Variants in MCM3AP observed in about 807,000 individuals in gnomAD.
MCM3AP encodes the protein germinal-center associated nuclear protein.
MCM3AP carries 126 observed loss-of-function variants against 184.1 expected under a neutral mutation model. That is an observed-to-expected ratio of 0.68 (90% CI 0.59 to 0.79). The LOEUF is 0.79. MCM3AP is among the 30% of genes least tolerant of loss of function. The pLI is 0.00. For synonymous variants in MCM3AP, 1,002 were observed against 979.3 expected, an observed-to-expected ratio of 1.02 and a Z score of -0.43; for missense variants, 2,496 against 2,479.2, an observed-to-expected ratio of 1.01 and a Z score of -0.14.
intron 26 of MCM3AP, among the ~76,000 whole-genome samples, chr21:46,237,928 C>T (rs142187355): frequency 0.069 from 7,887 of 114,342 alleles, 2,273 homozygotes; most frequent in Non-Finnish European, 0.1. Flanking sequence ...GGTGAAACCC[C>T]GTCTCTACTA....
chr21:46,256,410 G>T, intron 17 of MCM3AP: 1 of 223,312 alleles, frequency 4.5e-6, no homozygotes, highest in Non-Finnish European at 9.0e-6. Context: ...CAGAGGGATG[G>T]GGCGGGGATG....
At chr21:46,259,125 C>A (rs1260970293) in intron 15 of MCM3AP, 34 bp from the exon 16 acceptor site, 2 of 1,580,166 alleles carry the variant, frequency 1.3e-6, no homozygotes, top group African/African-American at 2.7e-5. Flanking sequence ...GAAGACACTG[C>A]ACTTGGGGCC....
chr21:46,283,239 T>C (rs2081356245), intron 2 of MCM3AP, among the ~76,000 whole-genome samples: 1 of 152,222 alleles, frequency 6.6e-6, no homozygotes, highest in Non-Finnish European at 1.5e-5. Context: ...TCACTTTTTC[T>C]GTATTGTTTG....
chr21:46,272,323 A>T (rs1202392739), intron 8 of MCM3AP, among the ~76,000 whole-genome samples: 1 of 152,100 alleles, frequency 6.6e-6, no homozygotes, highest in East Asian at 1.9e-4. Context: ...CTATTTTCAG[A>T]AATGAACATG....
At chr21:46,280,612 T>C (rs770063616) in intron 2 of MCM3AP, 37 bp from the exon 3 acceptor site, 9 of 1,413,096 alleles carry the variant, frequency 6.4e-6, no homozygotes, top group Admixed American at 5.4e-5. Flanking sequence ...TGTGAGTATA[T>C]CAGGAAACCA....
rs1369306124 is a variant in MCM3AP at position 46,254,859 on chromosome 21, A to G, written c.3933-15T>C. ...GCCGCCTTAACCTGCAAAGGAAAGC[A>G]GAATGACAGTGTCCCCGCAGGAGCT... is the stretch of plus-strand genomic sequence containing the variant. On this transcript the variant is annotated splice_polypyrimidine_tract_variant and intron_variant, in intron 17 of 27. Transcript: ENST00000291688. 3.1e-6 allele frequency: 5 copies of G among 1,607,776 alleles called. No homozygotes were observed. The African/African-American group carries it at 5.3e-5, about 17-fold the overall frequency.
At chr21:46,246,173 A>G (rs751882490) in intron 22 of MCM3AP, 134 bp downstream of exon 22, 129 of 635,216 alleles carry the variant, frequency 2.0e-4, no homozygotes, top group Non-Finnish European at 2.8e-4. Flanking sequence ...TCATGCCACT[A>G]TACTGGGTGA....
chr21:46,243,059 G>A (rs2080698827), intron 24 of MCM3AP, 128 bp from the exon 25 acceptor site: 1 of 846,046 alleles, frequency 1.2e-6, no homozygotes, highest in Admixed American at 2.7e-5. Context: ...GGTGGCATGT[G>A]CTTAAATTCA....
At chr21:46,254,598 A>T in intron 18 of MCM3AP, 72 bp from the exon 19 acceptor site, 1 of 1,574,188 alleles carries the variant, frequency 6.4e-7, no homozygotes, top group Non-Finnish European at 8.7e-7. Flanking sequence ...ACATCCTATG[A>T]GCAGGAAGGG....
At chr21:46,266,906 G>A in intron 10 of MCM3AP, 76 bp downstream of exon 10, 3 of 1,495,140 alleles carry the variant, frequency 2.0e-6, no homozygotes, top group Non-Finnish European at 2.7e-6. Context: ...CAAGCAGCCA[G>A]CCCTTCACAG....
chr21:46,249,935 C>T, intron 20 of MCM3AP: 1 of 175,624 alleles, frequency 5.7e-6, no homozygotes, highest in Non-Finnish European at 1.2e-5. Context: ...ACAGAGCTTC[C>T]AAGTGGAGGA....
chr21:46,248,882 T>G (rs2123841762), intron 20 of MCM3AP, among the ~76,000 whole-genome samples: 1 of 149,878 alleles, frequency 6.7e-6, no homozygotes, highest in Middle Eastern at 3.4e-3. Context: ...GATAAGAAAC[T>G]CAGAGGATCA....
At chr21:46,279,270 A>AAG (rs386394892) in intron 4 of MCM3AP, among the ~76,000 whole-genome samples, 1 of 4,470 alleles carries the variant, frequency 2.2e-4, no homozygotes, top group African/African-American at 4.3e-3. Context: ...CCTGGGCAAC[A>AAG]GCCAGACTGT....
At chr21:46,270,362 G>A in intron 9 of MCM3AP, 39 bp downstream of exon 9, 1 of 1,577,030 alleles carries the variant, frequency 6.3e-7, no homozygotes, top group Non-Finnish European at 8.6e-7. Flanking sequence ...AGAACCACCT[G>A]CTTTCTTCCA....
At chr21:46,236,723 C>G in intron 27 of MCM3AP, 106 bp downstream of exon 27, 1 of 746,694 alleles carries the variant, frequency 1.3e-6, no homozygotes, top group Non-Finnish European at 2.1e-6. Flanking sequence ...AATAATTTGT[C>G]GGTCATCAAA....
In MCM3AP at chr21:46,280,097, T is replaced by C; in HGVS notation, c.1563A>G (p.Pro521=). 6.2e-7 allele frequency: 1 copy of C among 1,614,250 alleles called. No homozygotes were observed. Among genetic ancestry groups the C allele is most frequent in the Non-Finnish European group, 8.5e-7 (1 of 1,180,032 alleles). Residue 521 remains proline, a synonymous_variant, in exon 4 of 28, where the codon CCA becomes CCG. Coordinates refer to ENST00000291688, the MANE Select transcript of MCM3AP (RefSeq NM_003906.5). ...KKPFSLKEKK[P]GDGEVSPSTE... ...TGCTCGGGCTGACTTCACCGTCACC[T>C]GGTTTCTTCTCCTTCAGGGAAAAGG...
intron 4 of MCM3AP, among the ~76,000 whole-genome samples, chr21:46,279,360 A>G (rs377583776): frequency 6.6e-6 from 1 of 152,246 alleles, no homozygotes; most frequent in Non-Finnish European, 1.5e-5. Flanking sequence ...TTATACATTT[A>G]TATGTCAAGT....
chr21:46,256,312 CAA>C (rs1293632418), intron 17 of MCM3AP, among the ~76,000 whole-genome samples: 1 of 152,030 alleles, frequency 6.6e-6, no homozygotes, highest in African/African-American at 2.4e-5. Flanking sequence ...CAAGGGGCCT[CAA>C]GAGGGAAATA....
rs1446818393 is a variant in MCM3AP at position 46,251,529 on chromosome 21, C to G, written c.4290G>C (p.Lys1430Asn). The change falls in exon 20 of 28, where the codon AAG becomes AAC. Residue 1430 changes from lysine to asparagine, a missense_variant and splice_region_variant. By Grantham distance (94) the Lys-to-Asn change is moderately conservative. Around this residue, in one of 5 missense-constraint regions of MCM3AP, gnomAD observed 1,323 missense variants for 1,273.4 expected, o/e 1.04. Coordinates refer to ENST00000291688, the MANE Select transcript of MCM3AP (RefSeq NM_003906.5). ...TAAACACAAAGTAATTATAGTTCACCTTTATACACACGTTAACAGAAATCA... is the reference window on the plus strand; with the variant it reads ...TAAACACAAAGTAATTATAGTTCACGTTTATACACACGTTAACAGAAATCA... Reference protein sequence around the residue: ...DQMISVNVCIKVAHGALSDGA... With the variant: ...DQMISVNVCINVAHGALSDGA... The G allele has an allele frequency of 1.2e-6, 2 of 1,602,670 alleles. No individual in the cohort carries two copies. Among genetic ancestry groups the G allele is most frequent in the Non-Finnish European group, 1.7e-6 (2 of 1,171,128 alleles).
Sources: gnomAD v4.1 joint callset for allele counts (sites outside exome capture counted in the v4.1 genomes callset) on GRCh38, gnomAD v4.1.1 for gene constraint, gnomAD v4.1.1 regional missense constraint, MANE v1.5 for transcripts, NCBI Gene and HGNC (gene_info 2026-07-23, HGNC 2026-07-21) for gene names.